ARID4A: variants seen among roughly 807,000 people sequenced by gnomAD.
The protein encoded by ARID4A is AT-rich interactive domain-containing protein 4A.
In ARID4A, 39 loss-of-function variants were observed where a neutral mutation model predicts 148.6. That is an observed-to-expected ratio of 0.26 (90% CI 0.20 to 0.34). ARID4A has a LOEUF of 0.34. Ranked by LOEUF, ARID4A falls within the 10% of genes least tolerant of loss-of-function variation. ARID4A has a pLI of 1.00. For missense variants in ARID4A, 1,265 were observed against 1,449.1 expected (o/e 0.87, Z 2.06); for synonymous variants, 475 against 481.2 (o/e 0.99, Z 0.17).
intron 11 of ARID4A, among the ~76,000 whole-genome samples, chr14:58,335,367 G>A (rs935658506): frequency 6.7e-6 from 1 of 149,186 alleles, no homozygotes; most frequent in African/African-American, 2.5e-5. Context: ...AGGCTGGAGT[G>A]CAATGGCGTG....
chr14:58,334,531 A>G (rs929295055), intron 11 of ARID4A, among the ~76,000 whole-genome samples: 2 of 152,186 alleles, frequency 1.3e-5, no homozygotes, highest in Non-Finnish European at 2.9e-5. Flanking sequence ...CTTCAGCACT[A>G]TTGGTCAGTT....
At chr14:58,346,967 A>AAAAAAAAAAAAAAAAAT (rs2034401546) in intron 13 of ARID4A, 53 bp from the exon 14 acceptor site, 1 of 388,928 alleles carries the variant, frequency 2.6e-6, no homozygotes, top group Non-Finnish European at 4.4e-6. Flanking sequence ...AAAAAAAAAA[A>AAAAAAAAAAAAAAAAAT]AAAAAAGATT....
At chr14:58,350,151 C>T (rs894316592) in intron 15 of ARID4A, among the ~76,000 whole-genome samples, 2 of 149,838 alleles carry the variant, frequency 1.3e-5, no homozygotes. Flanking sequence ...TATGTGCCAG[C>T]CACTGTGTAG....
intron 5 of ARID4A, among the ~76,000 whole-genome samples, chr14:58,315,005 G>A (rs1210615520): frequency 2.6e-5 from 4 of 152,060 alleles, no homozygotes; most frequent in Non-Finnish European, 5.9e-5. Context: ...TGTAATCCCA[G>A]CTACTTGGGA....
intron 11 of ARID4A, among the ~76,000 whole-genome samples, chr14:58,342,705 G>A (rs1048529756): frequency 6.6e-6 from 1 of 152,208 alleles, no homozygotes; most frequent in African/African-American, 2.4e-5. Flanking sequence ...CTGAGGTCAG[G>A]AGTTCGAGAC....
At chr14:58,324,140 A>G (rs1040898237) in intron 8 of ARID4A, among the ~76,000 whole-genome samples, 3 of 151,922 alleles carry the variant, frequency 2.0e-5, no homozygotes, top group Non-Finnish European at 2.9e-5. Flanking sequence ...TCCTGACCTC[A>G]TGGTCCGCCC....
chr14:58,365,000 G>T lies in ARID4A; in HGVS notation c.2911G>T (p.Asp971Tyr). 1 of 1,614,124 alleles carries T rather than the reference G, an allele frequency of 6.2e-7. No individual in the cohort carries two copies. Among genetic ancestry groups the T allele is most frequent in the Non-Finnish European group, 8.5e-7 (1 of 1,180,024 alleles). ...AGATTTGGATGATTTGGATGAAAAG[G>T]ATAAGACCAGCATTGAGGATGTAGC... ...EVDLDDLDEK[D>Y]KTSIEDVAVE... Residue 971 changes from aspartate (D) to tyrosine (Y), a missense_variant, in exon 20 of 24, where the codon GAT becomes TAT. Physicochemically the swap from Asp to Tyr is radical, Grantham distance 160 (BLOSUM62 -3). Transcript: ENST00000355431.
intron 17 of ARID4A, among the ~76,000 whole-genome samples, 155 bp downstream of exon 17, chr14:58,354,010 A>G (rs1594948330): frequency 6.6e-6 from 1 of 152,204 alleles, no homozygotes; most frequent in Admixed American, 6.5e-5. Context: ...TCCTGCTGTT[A>G]TACTAGCAGT....
At chr14:58,328,717 G>A (rs937056804) in intron 9 of ARID4A, among the ~76,000 whole-genome samples, 6 of 151,978 alleles carry the variant, frequency 3.9e-5, no homozygotes, top group African/African-American at 9.7e-5. Context: ...CTTTTGGGCC[G>A]GGCGCAGTTG....
intron 11 of ARID4A, among the ~76,000 whole-genome samples, chr14:58,342,241 A>T (rs1166248839): frequency 2.0e-5 from 3 of 152,180 alleles, no homozygotes; most frequent in Non-Finnish European, 4.4e-5. Context: ...TGTTTATAGC[A>T]TCATGTTTTA....
At position 58,364,980 on chromosome 14, in the gene ARID4A, T is replaced by G; in HGVS notation, c.2891T>G (p.Leu964Trp). 6.2e-7 allele frequency: 1 copy of G among 1,614,050 alleles called. No individual in the cohort carries two copies. The highest frequency in any genetic ancestry group is 8.5e-7 in the Non-Finnish European group (1 of 1,179,996). The change falls in exon 20 of 24, where the codon TTG becomes TGG. Residue 964 changes from leucine (L) to tryptophan (W), a missense_variant. By Grantham distance (61) the Leu-to-Trp change is moderately conservative (BLOSUM62 -2). Around this residue, in one of 9 missense-constraint regions of ARID4A, gnomAD observed 666 missense variants for 730.9 expected, o/e 0.91. Coordinates refer to ENST00000355431, the MANE Select transcript of ARID4A (RefSeq NM_002892.4). ...ACCTTGGTTTGCCATGAAGTAGATTTGGATGATTTGGATGAAAAGGATAAG... is the reference window on the plus strand; with the variant it reads ...ACCTTGGTTTGCCATGAAGTAGATTGGGATGATTTGGATGAAAAGGATAAG... ...PETLVCHEVD[L>W]DDLDEKDKTS...
At chr14:58,362,067 T>C (rs1281153257) in intron 19 of ARID4A, among the ~76,000 whole-genome samples, 1 of 152,204 alleles carries the variant, frequency 6.6e-6, no homozygotes, top group East Asian at 1.9e-4. Flanking sequence ...TGACAATCCA[T>C]GCATCCTAAT....
In ARID4A at chr14:58,353,797, A is replaced by G; in HGVS notation, c.1795A>G (p.Thr599Ala). The G allele has an allele frequency of 1.2e-6, 2 of 1,614,030 alleles. No individual in the cohort carries two copies. The highest frequency in any genetic ancestry group is 2.2e-5 in the South Asian group (2 of 91,084). The change falls in exon 17 of 24, where the codon ACT becomes GCT. Residue 599 changes from threonine to alanine, a missense_variant. By Grantham distance (58) the Thr-to-Ala change is moderately conservative (BLOSUM62 0). Transcript: ENST00000355431. ...AATTTATGAAGCCAGTATTAAAAGC[A>G]CTGAAATTGATGACGGAGAAGTTTT... is the stretch of plus-strand genomic sequence containing the variant. ...QKIYEASIKSTEIDDGEVLYL... is the reference protein window; with the variant it reads ...QKIYEASIKSAEIDDGEVLYL...
intron 11 of ARID4A, 152 bp downstream of exon 11, chr14:58,330,321 G>A: frequency 9.2e-7 from 1 of 1,088,328 alleles, no homozygotes. Context: ...GAAGCATTTT[G>A]GCTCATAGCA....
At chr14:58,326,754 T>C (rs1264389649) in intron 8 of ARID4A, among the ~76,000 whole-genome samples, 9 of 152,204 alleles carry the variant, frequency 5.9e-5, no homozygotes. Flanking sequence ...AATTAGACCT[T>C]GGGTTATGCC....
At chr14:58,298,898 G>T (rs2030808780) in intron 1 of ARID4A, among the ~76,000 whole-genome samples, 198 bp downstream of exon 1, 1 of 152,200 alleles carries the variant, frequency 6.6e-6, no homozygotes, top group Non-Finnish European at 1.5e-5. Context: ...CGCCGCAGTT[G>T]CAGCCGCCTC....
chr14:58,315,026 C>T (rs1425716486), intron 5 of ARID4A, among the ~76,000 whole-genome samples: 3 of 151,894 alleles, frequency 2.0e-5, no homozygotes, highest in African/African-American at 4.8e-5. Context: ...GGCTGAGGCA[C>T]GAGAATCACT....
intron 5 of ARID4A, among the ~76,000 whole-genome samples, chr14:58,317,724 C>T (rs752004794): frequency 8.5e-6 from 1 of 117,950 alleles, no homozygotes; most frequent in Non-Finnish European, 1.6e-5. Context: ...CTTGGTTTTT[C>T]GCGGCTCAAG....
intron 11 of ARID4A, among the ~76,000 whole-genome samples, chr14:58,333,009 A>G (rs1433599915): frequency 6.6e-6 from 1 of 152,054 alleles, no homozygotes; most frequent in Non-Finnish European, 1.5e-5. Context: ...TAATAAGGAG[A>G]TTTGAGATTC....
Sources: allele counts gnomAD v4.1 joint callset (sites outside exome capture counted in the v4.1 genomes callset), GRCh38; gene constraint gnomAD v4.1.1; regional missense constraint gnomAD v4.1.1; transcripts MANE v1.5; gene names NCBI Gene and HGNC (gene_info 2026-07-23, HGNC 2026-07-21).